PRMT2: variants seen among roughly 807,000 people sequenced by gnomAD.
PRMT2 encodes protein arginine N-methyltransferase 2.
PRMT2 carries 26 observed loss-of-function variants against 57.6 expected under a neutral mutation model. The observed-to-expected ratio is 0.45, with a 90% confidence interval of 0.33 to 0.63. PRMT2 has a LOEUF of 0.63. Among genes scored for constraint, PRMT2 ranks in the 20% least tolerant of loss-of-function variants. The pLI is 0.02. For synonymous variants in PRMT2, 219 were observed against 220.0 expected, an observed-to-expected ratio of 1.00 and a Z score of 0.04; for missense variants, 472 against 564.4, an observed-to-expected ratio of 0.84 and a Z score of 1.66.
chr21:46,641,123 C>CA (rs55728457), intron 3 of PRMT2, among the ~76,000 whole-genome samples: 7,982 of 104,552 alleles, frequency 0.076, 814 homozygotes, highest in African/African-American at 0.19. Context: ...GACCTCATCT[C>CA]AAAAAAAAAA....
At chr21:46,643,680 T>C (rs760053078) in intron 4 of PRMT2, 41 bp downstream of exon 4, 3 of 1,558,806 alleles carry the variant, frequency 1.9e-6, no homozygotes, top group Middle Eastern at 2.0e-4. Flanking sequence ...GCTTTCAGCA[T>C]GTTCAGTGTC....
chr21:46,655,218 C>T (rs2061524817), intron 7 of PRMT2, among the ~76,000 whole-genome samples: 1 of 152,136 alleles, frequency 6.6e-6, no homozygotes, highest in South Asian at 2.1e-4. Flanking sequence ...ATGAGGTAAG[C>T]ATTGCCCTAA....
rs773970619 is a variant in PRMT2 at position 46,649,496 on chromosome 21, T to C, written c.490-79T>C. The C allele has an allele frequency of 1.9e-6, 3 of 1,601,446 alleles. No homozygotes were observed. Among genetic ancestry groups the C allele is most frequent in the South Asian group, 1.1e-5 (1 of 90,672 alleles). ...TTGTGTCATTGACCATTTCTCGTGA[T>C]GCTGGTTGTGACTCAGGAGAGTAGA... On this transcript the variant is annotated intron_variant, in intron 6 of 11. Transcript: ENST00000355680. This position sits in a 1 kb window ranked among gnomAD's most constrained non-coding sequence, Gnocchi z 4.8.
rs1358046183 is a variant in PRMT2, at chr21:46,663,428, C to T, written c.1143C>T (p.Val381=). Residue 381 remains valine, a synonymous_variant, in exon 11 of 12, where the codon GTC becomes GTT. Coordinates refer to ENST00000355680, the MANE Select transcript of PRMT2 (RefSeq NM_206962.4). The part of the protein sequence containing the change: ...KQTLFMMDDP[V]PVHTGDVVTG... Reference sequence around the variant, plus strand: ...CGCTGTTCATGATGGACGACCCAGTCCCTGTCCATACAGGAGACGTGGTCA... The same window carrying T: ...CGCTGTTCATGATGGACGACCCAGTTCCTGTCCATACAGGAGACGTGGTCA... 1.1e-5 allele frequency: 17 copies of T among 1,614,030 alleles called. No individual in the cohort carries two copies. The highest frequency in any genetic ancestry group is 1.4e-5 in the Non-Finnish European group (16 of 1,180,004).
chr21:46,649,889 C>T lies in PRMT2; in HGVS notation c.654+150C>T, dbSNP rs929776867. On this transcript the variant is annotated intron_variant, in intron 7 of 11. Transcript: ENST00000355680. The surrounding 1 kb of genome is among the most constrained non-coding windows in gnomAD (Gnocchi z 4.8). ...AGGTCTAATTAATTTCTTGTGTGGA[C>T]ATTGGCTCAGTGTCTTGAATTTTCA... The T allele has an allele frequency of 9.5e-6, 14 of 1,477,318 alleles. No homozygotes were observed. In the African/African-American group the frequency reaches 1.7e-4, roughly 18 times the overall value. The allele number at this position is 1,477,318 out of a possible 1,614,324, so 91.5% of individuals were successfully genotyped here.
chr21:46,637,589 AT>A (rs2061196159), intron 3 of PRMT2, among the ~76,000 whole-genome samples: 1 of 151,968 alleles, frequency 6.6e-6, no homozygotes, highest in South Asian at 2.1e-4. Context: ...TAGGAATTTT[AT>A]TTATAGTCAG....
chr21:46,661,660 G>A, intron 9 of PRMT2, 140 bp from the exon 10 acceptor site: 1 of 827,990 alleles, frequency 1.2e-6, no homozygotes, highest in Non-Finnish European at 1.6e-6. Flanking sequence ...TTTTGGGGGT[G>A]GTTTCCCCAG....
At chr21:46,638,428 G>GT (rs1345903050) in intron 3 of PRMT2, among the ~76,000 whole-genome samples, 3 of 152,168 alleles carry the variant, frequency 2.0e-5, no homozygotes, top group Non-Finnish European at 4.4e-5. Flanking sequence ...ATTGTTTCTA[G>GT]TTTTTTCTAT....
In PRMT2 at chr21:46,661,935, C is replaced by T. The variant is rs199822008; in HGVS notation, c.1096C>T (p.Pro366Ser). Residue 366 changes from proline (P) to serine (S), a missense_variant and splice_region_variant, in exon 10 of 12, where the codon CCC (proline) becomes TCC (serine). Pro to Ser is a moderately conservative substitution (Grantham distance 74). Coordinates refer to ENST00000355680, the MANE Select transcript of PRMT2 (RefSeq NM_206962.4). ...GGTGCTCAGCACCGGGCCCTTCCAC[C>T]CGTGAGTGTGCGGGGCGCGGGCACG... ...PQVLSTGPFH[P>S]TTHWKQTLFM... 7.7e-7 allele frequency: 1 copy of T among 1,294,592 alleles called. No homozygotes were observed. The highest frequency in any genetic ancestry group is 1.0e-6 in the Non-Finnish European group (1 of 1,001,324). 80.2% of individuals were successfully genotyped at this position (1,294,592 alleles called of 1,614,324 possible).
chr21:46,650,772 C>T (rs2061438061), intron 7 of PRMT2, among the ~76,000 whole-genome samples: 1 of 152,252 alleles, frequency 6.6e-6, no homozygotes, highest in Non-Finnish European at 1.5e-5. Flanking sequence ...CTGGAGTGTC[C>T]GGCTGTGCCC....
intron 3 of PRMT2, 128 bp from the exon 4 acceptor site, chr21:46,643,407 G>C: frequency 1.5e-6 from 2 of 1,298,156 alleles, no homozygotes; most frequent in Admixed American, 3.7e-5. Context: ...GATCCAAATA[G>C]TTTGTATAAT....
In PRMT2 at chr21:46,664,629, T is replaced by C; in HGVS notation, c.*302T>C. The C allele has an allele frequency of 2.0e-6, 1 of 495,700 alleles. No individual in the cohort carries two copies. Among genetic ancestry groups the C allele is most frequent in the Non-Finnish European group, 3.7e-6 (1 of 272,036 alleles). The allele number at this position is 495,700 out of a possible 1,614,324, so 30.7% of individuals were successfully genotyped here. Reference sequence around the variant, plus strand: ...GACCCGTGGCTGGGTCGGAGCTCCATGTTCCTAAGCTAGGTCTAGGTCTAC... The same window carrying C: ...GACCCGTGGCTGGGTCGGAGCTCCACGTTCCTAAGCTAGGTCTAGGTCTAC... On this transcript the variant is annotated 3_prime_UTR_variant, in exon 12 of 12. Transcript: ENST00000355680.
At chr21:46,663,667 G>T in intron 11 of PRMT2, 113 bp downstream of exon 11, 2 of 1,072,392 alleles carry the variant, frequency 1.9e-6, no homozygotes, top group Non-Finnish European at 2.7e-6. Context: ...CACGCCTTTT[G>T]TGCAGGAGTG....
intron 2 of PRMT2, 56 bp downstream of exon 2, chr21:46,636,603 C>A: frequency 4.2e-6 from 1 of 237,330 alleles, no homozygotes; most frequent in Non-Finnish European, 8.1e-6. Flanking sequence ...TTAATGAATA[C>A]TGATTTATTG....
At chr21:46,663,604 G>A (rs1356525776) in intron 11 of PRMT2, 50 bp downstream of exon 11, 1 of 1,576,776 alleles carries the variant, frequency 6.3e-7, no homozygotes, top group Non-Finnish European at 8.7e-7. Flanking sequence ...GGTCCTCAGG[G>A]AGACAGGCCT....
chr21:46,649,034 A>G lies in PRMT2; in HGVS notation c.489+415A>G, dbSNP rs8127804. 0.83 allele frequency among the ~76,000 whole-genome samples: 126,148 copies of G among 152,020 alleles called. 52,504 individuals carry two copies. The highest frequency in any genetic ancestry group is 0.9 in the East Asian group (4,610 of 5,136). On this transcript the variant is annotated intron_variant, in intron 6 of 11. Coordinates refer to ENST00000355680, the MANE Select transcript of PRMT2 (RefSeq NM_206962.4). This position sits in a 1 kb window ranked among gnomAD's most constrained non-coding sequence, Gnocchi z 4.8. Reference sequence around the variant, plus strand: ...GCTGGGCCCCCTCCCCACCCCTCTTAGGCCGTCTATACTGTGCTGAGCTGA... The same window carrying G: ...GCTGGGCCCCCTCCCCACCCCTCTTGGGCCGTCTATACTGTGCTGAGCTGA...
intron 7 of PRMT2, chr21:46,651,796 C>T (rs747757314): frequency 4.5e-5 from 73 of 1,612,718 alleles, no homozygotes; most frequent in Non-Finnish European, 5.8e-5. Context: ...CCTTCACTTT[C>T]CGTCCCCAGG....
intron 9 of PRMT2, 46 bp downstream of exon 9, chr21:46,661,008 A>G (rs2061612003): frequency 6.3e-7 from 1 of 1,583,464 alleles, no homozygotes; most frequent in Non-Finnish European, 8.6e-7. Context: ...ATCAGTGACC[A>G]CGAAACACTC....
chr21:46,651,825 G>A, intron 7 of PRMT2: 1 of 1,613,080 alleles, frequency 6.2e-7, no homozygotes, highest in East Asian at 2.2e-5. Flanking sequence ...CTCCTGAGCT[G>A]CCGCATTCTC....
Sources: allele counts gnomAD v4.1 joint callset (sites outside exome capture counted in the v4.1 genomes callset), GRCh38; gene constraint gnomAD v4.1.1; non-coding constraint Gnocchi (gnomAD v3.1); transcripts MANE v1.5; gene names NCBI Gene and HGNC (gene_info 2026-07-23, HGNC 2026-07-21).